The following CNTNAP2 variants were observed in gnomAD, a reference collection of about 807,000 sequenced individuals.
CNTNAP2 encodes the protein contactin-associated protein-like 2.
In CNTNAP2, 98 loss-of-function variants were observed where a neutral mutation model predicts 155.2. The ratio of observed to expected loss-of-function variants is 0.63; its 90% confidence interval spans 0.54 to 0.75. The LOEUF is 0.75. Ranked by LOEUF, CNTNAP2 falls within the 30% of genes least tolerant of loss-of-function variation. The pLI, the probability that CNTNAP2 is intolerant of heterozygous loss-of-function variation, is 0.00. For missense variants in CNTNAP2, 1,727 were observed against 1,688.1 expected (o/e 1.02, Z -0.40); for synonymous variants, 651 against 631.2 (o/e 1.03, Z -0.47).
At chr7:148,088,323 T>C (rs1352725203) in intron 15 of CNTNAP2, among the ~76,000 whole-genome samples, 1 of 151,514 alleles carries the variant, frequency 6.6e-6, no homozygotes, top group East Asian at 1.9e-4. Context: ...AAACAAAGAT[T>C]AGAGCAGCAA....
chr7:147,441,040 T>C (rs1797627386), intron 10 of CNTNAP2, among the ~76,000 whole-genome samples: 1 of 152,106 alleles, frequency 6.6e-6, no homozygotes, highest in Non-Finnish European at 1.5e-5. Context: ...TATTGTGTCT[T>C]TGAATAAACC....
chr7:146,893,161 G>T (rs1024427490), intron 3 of CNTNAP2, among the ~76,000 whole-genome samples: 4 of 151,964 alleles, frequency 2.6e-5, no homozygotes, highest in African/African-American at 9.7e-5. Flanking sequence ...AAGGCATTTT[G>T]CCCCTTTTGT....
intron 4 of CNTNAP2, among the ~76,000 whole-genome samples, chr7:147,055,709 G>T (rs900185911): frequency 6.6e-6 from 1 of 152,116 alleles, no homozygotes; most frequent in African/African-American, 2.4e-5. Flanking sequence ...CAAGAGAGTG[G>T]TCTTCCCCCT....
intron 12 of CNTNAP2, among the ~76,000 whole-genome samples, chr7:147,603,240 T>A (rs936997691): frequency 3.3e-5 from 5 of 152,102 alleles, no homozygotes; most frequent in African/African-American, 1.2e-4. Context: ...TGGCCAGTGA[T>A]GATGAGCATT....
chr7:146,452,540 T>C (rs1295782279), intron 1 of CNTNAP2, among the ~76,000 whole-genome samples: 5 of 152,246 alleles, frequency 3.3e-5, no homozygotes, highest in African/African-American at 9.6e-5. Context: ...AGTTATATTT[T>C]TGTCTAATTC....
At chr7:147,214,150 C>A (rs1343058287) in intron 8 of CNTNAP2, among the ~76,000 whole-genome samples, 2 of 152,164 alleles carry the variant, frequency 1.3e-5, no homozygotes, top group Non-Finnish European at 2.9e-5. Flanking sequence ...AAACATATAA[C>A]TTTGAACAAT....
At chr7:148,295,989 C>T (rs1270674836) in intron 21 of CNTNAP2, among the ~76,000 whole-genome samples, 2 of 152,142 alleles carry the variant, frequency 1.3e-5, no homozygotes, top group South Asian at 4.1e-4. Context: ...CAAAAGATAA[C>T]TCTTACAGCT....
intron 10 of CNTNAP2, among the ~76,000 whole-genome samples, chr7:147,411,645 A>G (rs1797104348): frequency 6.6e-6 from 1 of 152,220 alleles, no homozygotes; most frequent in Non-Finnish European, 1.5e-5. Context: ...TCTGATTTTC[A>G]TAAAGAAAGT....
At chr7:147,128,584 T>G in intron 6 of CNTNAP2, 109 bp from the exon 7 acceptor site, 1 of 1,202,396 alleles carries the variant, frequency 8.3e-7, no homozygotes, top group Non-Finnish European at 1.2e-6. Flanking sequence ...CTATAATATT[T>G]GTATATTTTG....
intron 13 of CNTNAP2, among the ~76,000 whole-genome samples, chr7:147,773,687 C>G (rs1004108342): frequency 6.6e-6 from 1 of 152,142 alleles, no homozygotes; most frequent in Non-Finnish European, 1.5e-5. Context: ...TATACTACCT[C>G]TTAACTGATC....
At chr7:146,608,275 G>A (rs780320773) in intron 1 of CNTNAP2, among the ~76,000 whole-genome samples, 5 of 152,078 alleles carry the variant, frequency 3.3e-5, no homozygotes, top group Non-Finnish European at 5.9e-5. Flanking sequence ...TAAGGCCAAG[G>A]CACATGCTTA....
chr7:147,339,497 G>A (rs1356585527), intron 9 of CNTNAP2, among the ~76,000 whole-genome samples: 1 of 152,110 alleles, frequency 6.6e-6, no homozygotes, highest in Admixed American at 6.6e-5. Flanking sequence ...CTTGAACTTT[G>A]CAGCCACCAG....
At chr7:146,501,683 GA>G (rs1797302224) in intron 1 of CNTNAP2, among the ~76,000 whole-genome samples, 2 of 151,952 alleles carry the variant, frequency 1.3e-5, no homozygotes, top group South Asian at 4.2e-4. Flanking sequence ...TGCCCACCCA[GA>G]ACCTGTGACT....
chr7:147,123,551 C>G (rs571468197), intron 6 of CNTNAP2, among the ~76,000 whole-genome samples: 4 of 152,204 alleles, frequency 2.6e-5, no homozygotes, highest in African/African-American at 4.8e-5. Context: ...TAGACAGAAA[C>G]AGTAGGAAGA....
Position 148,118,289 on chromosome 7 carries a change from G to A in CNTNAP2, c.2554+1G>A. The A allele has an allele frequency of 6.2e-7, 1 of 1,614,112 alleles. No individual in the cohort carries two copies. The highest frequency in any genetic ancestry group is 8.5e-7 in the Non-Finnish European group (1 of 1,180,006). On this transcript the variant is annotated splice_donor_variant, in intron 16 of 23. Transcript: ENST00000361727. LOFTEE classifies it high-confidence loss of function. The stretch of plus-strand genomic sequence containing the variant: ...GATTTCATCAAGCTGGAGCTGAAGT[G>A]TGAGTATAAGTTGCTTGTCAACTCA...
At chr7:147,964,224 C>T (rs1801165820) in intron 14 of CNTNAP2, among the ~76,000 whole-genome samples, 1 of 152,126 alleles carries the variant, frequency 6.6e-6, no homozygotes, top group South Asian at 2.1e-4. Context: ...TCACCAGAAA[C>T]CAACTCTACC....
intron 21 of CNTNAP2, among the ~76,000 whole-genome samples, chr7:148,313,379 G>C (rs1014852503): frequency 1.3e-5 from 2 of 151,844 alleles, no homozygotes; most frequent in East Asian, 1.9e-4. Flanking sequence ...GAGTTCCAGG[G>C]GCTCTGGGAG....
chr7:148,162,927 G>T (rs1262656314), intron 17 of CNTNAP2, among the ~76,000 whole-genome samples: 1 of 152,224 alleles, frequency 6.6e-6, no homozygotes, highest in Non-Finnish European at 1.5e-5. Flanking sequence ...TTGAGCTCAG[G>T]AGGTCAAGGC....
At chr7:147,989,082 A>G (rs1289898288) in intron 15 of CNTNAP2, among the ~76,000 whole-genome samples, 1 of 152,230 alleles carries the variant, frequency 6.6e-6, no homozygotes, top group Non-Finnish European at 1.5e-5. Flanking sequence ...GAGAGGCCTC[A>G]TGTAGTTGTG....
Sources: allele counts gnomAD v4.1 joint callset (sites outside exome capture counted in the v4.1 genomes callset), GRCh38; gene constraint gnomAD v4.1.1; transcripts MANE v1.5; gene names NCBI Gene and HGNC (gene_info 2026-07-23, HGNC 2026-07-21).